ANKZF1: variants seen among roughly 807,000 people sequenced by gnomAD.
ANKZF1 encodes tRNA endonuclease ANKZF1.
In ANKZF1, 84 loss-of-function variants were observed where a neutral mutation model predicts 86.0. The ratio of observed to expected loss-of-function variants is 0.98; its 90% confidence interval spans 0.82 to 1.17. ANKZF1 has a LOEUF of 1.17. Ranked by LOEUF, ANKZF1 falls within the 50% of genes most tolerant of loss-of-function variation. ANKZF1 has a pLI of 0.00. For synonymous variants in ANKZF1, 331 were observed against 354.2 expected (o/e 0.93, Z 0.74); for missense variants, 893 against 918.4 (o/e 0.97, Z 0.36).
chr2:219,231,101 A>G (rs1401954532), intron 2 of ANKZF1: 1 of 152,266 alleles, frequency 6.6e-6, no homozygotes, highest in Non-Finnish European at 1.5e-5. Flanking sequence ...CAAACTGTAC[A>G]CTAATTGGAA....
intron 5 of ANKZF1, 185 bp downstream of exon 5, chr2:219,232,868 A>C: frequency 1.2e-6 from 1 of 844,712 alleles, no homozygotes; most frequent in South Asian, 1.8e-5. Flanking sequence ...TAATGGAATT[A>C]AGTTTGGAAA....
rs1247576165 is a variant in ANKZF1 at position 219,232,849 on chromosome 2, G to A, written c.558+166G>A. 3.4e-6 allele frequency: 3 copies of A among 882,544 alleles called. No individual in the cohort carries two copies. The East Asian group carries it at 7.9e-5, about 23-fold the overall frequency. The allele number at this position is 882,544 out of a possible 1,614,324, so 54.7% of individuals were successfully genotyped here. A position where few individuals can be genotyped will look rare whatever the true frequency, so the allele number is the denominator to read the frequency against. On this transcript the variant is annotated intron_variant, in intron 5 of 13. Transcript: ENST00000323348. ...TTGAAACTGGCCTGAATTGTGGAAG[G>A]GTTAAGTGTAATGGAATTAAGTTTG...
At chr2:219,235,660 A>T in intron 11 of ANKZF1, 48 bp from the exon 12 acceptor site, 1 of 1,611,312 alleles carries the variant, frequency 6.2e-7, no homozygotes, top group Non-Finnish European at 8.5e-7. Context: ...TACTTCTTGC[A>T]GTTTTACCAA....
In ANKZF1 at chr2:219,232,045, T is replaced by C. The variant is rs769262165; in HGVS notation, c.261+5T>C. ...TTCCAGAACCACCAAGAACAGGTAA[T>C]AGGTCAGGTGCAGAGCTAGATGTTA... On this transcript the variant is annotated splice_donor_5th_base_variant and intron_variant, in intron 3 of 13. Coordinates refer to ENST00000323348, the MANE Select transcript of ANKZF1 (RefSeq NM_018089.3). The C allele has an allele frequency of 6.3e-7, 1 of 1,599,862 alleles. No individual in the cohort carries two copies.
Position 219,236,023 on chromosome 2 carries a change from CAG to C in ANKZF1, c.1988_1989del (p.Glu663AlafsTer16). 1 of 1,614,210 alleles carries C rather than the reference CAG, an allele frequency of 6.2e-7. No homozygotes were observed. The highest frequency in any genetic ancestry group is 8.5e-7 in the Non-Finnish European group (1 of 1,180,034). ...TGTCTCCCTCAGAGAGCTCTGGCTG[CAG>C]AGCGCCGACTCGCTGCCCAGTTGGG... is the stretch of plus-strand genomic sequence containing the variant. On this transcript the variant is annotated frameshift_variant, in exon 13 of 14. Coordinates refer to ENST00000323348, the MANE Select transcript of ANKZF1 (RefSeq NM_018089.3). LOFTEE classifies it high-confidence loss of function.
Position 219,233,150 on chromosome 2 carries a change from C to G in ANKZF1, c.630C>G (p.Leu210=), listed in dbSNP as rs752986832. 2 of 1,614,100 alleles carry G rather than the reference C, an allele frequency of 1.2e-6. No individual in the cohort carries two copies. Among genetic ancestry groups the G allele is most frequent in the African/African-American group, 2.7e-5 (2 of 74,932 alleles). ...QSRGPRDCVV[L]MAAAGHFAGA... ...GAGGTCCCAGAGACTGCGTGGTGCT[C>G]ATGGCTGCAGCTGGGCACTTTGCTG... The change falls in exon 6 of 14, where the codon CTC becomes CTG. Residue 210 remains leucine (L), a synonymous_variant. Transcript: ENST00000323348.
chr2:219,230,238 T>C lies in ANKZF1; in HGVS notation c.-20T>C. 6.2e-7 allele frequency: 1 copy of C among 1,608,910 alleles called. No individual in the cohort carries two copies. The highest frequency in any genetic ancestry group is 8.5e-7 in the Non-Finnish European group (1 of 1,176,234). The stretch of plus-strand genomic sequence containing the variant: ...CGCTTTCTACTCCAGGAGCTGCTGC[T>C]AAATAATTTCTGCTCAGCCATGTCG... On this transcript the variant is annotated 5_prime_UTR_variant, in exon 2 of 14. Coordinates refer to ENST00000323348, the MANE Select transcript of ANKZF1 (RefSeq NM_018089.3).
chr2:219,235,431 G>A (rs1252452666), intron 10 of ANKZF1, 43 bp from the exon 11 acceptor site: 2 of 1,609,442 alleles, frequency 1.2e-6, no homozygotes, highest in East Asian at 4.5e-5. Context: ...GTTGGGAAAG[G>A]CAGGAGGCAA....
chr2:219,230,517 C>T (rs564259518), intron 2 of ANKZF1, 112 bp downstream of exon 2: 153 of 1,345,938 alleles, frequency 1.1e-4, no homozygotes, highest in Non-Finnish European at 1.5e-4. Flanking sequence ...ATTGATTTAT[C>T]TTTCTGCTTG....
In ANKZF1 at chr2:219,234,195, G is replaced by A; in HGVS notation, c.1111G>A (p.Glu371Lys). 6.2e-7 allele frequency: 1 copy of A among 1,614,152 alleles called. No homozygotes were observed. The highest frequency in any genetic ancestry group is 2.2e-5 in the East Asian group (1 of 44,890). The change falls in exon 9 of 14, where the codon GAG becomes AAG. Residue 371 changes from glutamate to lysine, a missense_variant. Glu to Lys is a moderately conservative substitution (Grantham distance 56). Transcript: ENST00000323348. The part of the protein sequence containing the change: ...SPQTHWKTVR[E>K]ERKKPTEEEI... ...TCAGACACACTGGAAAACAGTAAGA[G>A]AGGAGAGAAAGAAGCCTACTGAGGA... is the stretch of plus-strand genomic sequence containing the variant.
Position 219,229,948 on chromosome 2 carries a change from T to A in ANKZF1, c.-31+48T>A. 1 of 270,934 alleles carries A rather than the reference T, an allele frequency of 3.7e-6. No homozygotes were observed. Among genetic ancestry groups the A allele is most frequent in the Non-Finnish European group, 7.1e-6 (1 of 141,622 alleles). 16.8% of individuals were successfully genotyped at this position (270,934 alleles called of 1,614,324 possible). A position where few individuals can be genotyped will look rare whatever the true frequency, so the allele number is the denominator to read the frequency against. On this transcript the variant is annotated intron_variant, in intron 1 of 13. Coordinates refer to ENST00000323348, the MANE Select transcript of ANKZF1 (RefSeq NM_018089.3). This position sits in a 1 kb window ranked among gnomAD's most constrained non-coding sequence, Gnocchi z 4.2. ...CGAGTTTACGCGGGCCAGTTGTTGC[T>A]GGTCGCATGGGTAACGAAGAAAGTT...
At chr2:219,231,526 C>T (rs549129427) in intron 2 of ANKZF1, 21 of 199,078 alleles carry the variant, frequency 1.1e-4, no homozygotes, top group African/African-American at 5.0e-4. Context: ...TCCCAAGTAG[C>T]TGGGACTACA....
chr2:219,234,619 A>G (rs1951147302), intron 9 of ANKZF1: 1 of 710,996 alleles, frequency 1.4e-6, no homozygotes, highest in African/African-American at 1.8e-5. Flanking sequence ...CCCTAAGGCT[A>G]CTCATACGGA....
In ANKZF1 at chr2:219,235,317, G is replaced by A. The variant is rs752130991; in HGVS notation, c.1691+5G>A. ...AGGTGCTGACCCCACTGTGCAGTGA[G>A]TAAAGGTCCCCATCCTGAGTCATTT... On this transcript the variant is annotated splice_donor_5th_base_variant and intron_variant, in intron 10 of 13. Coordinates refer to ENST00000323348, the MANE Select transcript of ANKZF1 (RefSeq NM_018089.3). 1.9e-5 allele frequency: 30 copies of A among 1,607,284 alleles called. No homozygotes were observed. The highest frequency in any genetic ancestry group is 2.5e-5 in the Non-Finnish European group (30 of 1,177,012).
At position 219,230,298 on chromosome 2, in the gene ANKZF1, T is replaced by A; in HGVS notation, c.41T>A (p.Ile14Asn). 6 of 1,613,966 alleles carry A rather than the reference T, an allele frequency of 3.7e-6. No homozygotes were observed. Among genetic ancestry groups the A allele is most frequent in the Non-Finnish European group, 5.1e-6 (6 of 1,179,946 alleles). ...APDAAPAPAS[I>N]SLFDLSADAP... Reference sequence around the variant, plus strand: ...GATGCAGCCCCGGCTCCTGCGTCGATCTCCCTGTTTGACCTCAGCGCGGAT... The same window carrying A: ...GATGCAGCCCCGGCTCCTGCGTCGAACTCCCTGTTTGACCTCAGCGCGGAT... Residue 14 changes from isoleucine to asparagine, a missense_variant, in exon 2 of 14, where the codon ATC becomes AAC. Coordinates refer to ENST00000323348, the MANE Select transcript of ANKZF1 (RefSeq NM_018089.3).
chr2:219,229,898 T>C lies in ANKZF1; in HGVS notation c.-33T>C, dbSNP rs1387452952. 5.1e-6 allele frequency: 1 copy of C among 196,094 alleles called. No individual in the cohort carries two copies. Among genetic ancestry groups the C allele is most frequent in the Admixed American group, 6.1e-5 (1 of 16,428 alleles). 12.1% of individuals were successfully genotyped at this position (196,094 alleles called of 1,614,324 possible). A position where few individuals can be genotyped will look rare whatever the true frequency, so the allele number is the denominator to read the frequency against. On this transcript the variant is annotated splice_region_variant and 5_prime_UTR_variant, in exon 1 of 14. Coordinates refer to ENST00000323348, the MANE Select transcript of ANKZF1 (RefSeq NM_018089.3). The surrounding 1 kb of genome is among the most constrained non-coding windows in gnomAD (Gnocchi z 4.2). ...GCGAGCCGCTCAGCTCCCGGGACGT[T>C]TGGTGCGTCTTCTAAGGGCGTGGGC...
At position 219,232,287 on chromosome 2, in the gene ANKZF1, C is replaced by T. The variant is rs764832677; in HGVS notation, c.289C>T (p.Arg97Trp). 1.5e-5 allele frequency: 25 copies of T among 1,614,086 alleles called. No homozygotes were observed. Among genetic ancestry groups the T allele is most frequent in the East Asian group, 2.2e-5 (1 of 44,902 alleles). The change falls in exon 4 of 14, where the codon CGG becomes TGG. Residue 97 changes from arginine to tryptophan, a missense_variant. Coordinates refer to ENST00000323348, the MANE Select transcript of ANKZF1 (RefSeq NM_018089.3). The stretch of plus-strand genomic sequence containing the variant: ...GGAACATTATAAGCTTGACTGGCAT[C>T]GGTTTAACCTAAAGCAACGTCTCAA... ...QREHYKLDWH[R>W]FNLKQRLKDK...
At chr2:219,231,095 CTG>C (rs1484357889) in intron 2 of ANKZF1, 2 of 152,268 alleles carry the variant, frequency 1.3e-5, no homozygotes, top group African/African-American at 4.8e-5. Context: ...CTTAGACAAA[CTG>C]TACACTAATT....
rs1328730312 is a variant in ANKZF1 at position 219,231,891 on chromosome 2, C to T, written c.149-37C>T. On this transcript the variant is annotated intron_variant, in intron 2 of 13. Coordinates refer to ENST00000323348, the MANE Select transcript of ANKZF1 (RefSeq NM_018089.3). ...TAATTCTTGTCACTGTGGATTTGGG[C>T]TCCCTTTCTATGTCCAATTCCTCTT... 1.9e-6 allele frequency: 3 copies of T among 1,550,150 alleles called. No homozygotes were observed. The African/African-American group carries it at 4.1e-5, about 21-fold the overall frequency.
Sources: gnomAD v4.1 joint callset for allele counts on GRCh38, gnomAD v4.1.1 for gene constraint, Gnocchi (gnomAD v3.1) non-coding constraint, MANE v1.5 for transcripts, NCBI Gene and HGNC (gene_info 2026-07-23, HGNC 2026-07-21) for gene names.